The following EIF1AX variants were observed in gnomAD, a reference collection of about 807,000 sequenced individuals.
The protein encoded by EIF1AX is eukaryotic translation initiation factor 1A, X-chromosomal.
A neutral mutation model predicts 16.1 loss-of-function variants in EIF1AX; 1 was observed. The observed-to-expected ratio is 0.06, with a 90% CI of 0.02 to 0.30. EIF1AX has a LOEUF of 0.30. Ranked by LOEUF, EIF1AX falls within the 10% of genes least tolerant of loss-of-function variation. EIF1AX has a pLI of 1.00. For synonymous variants in EIF1AX, 32 were observed against 37.3 expected (o/e 0.86, Z 0.51); for missense variants, 11 against 109.1 (o/e 0.10, Z 4.00).
intron 5 of EIF1AX, among the ~76,000 whole-genome samples, chrX:20,131,959 T>C (rs1292280525): frequency 9.2e-6 from 1 of 108,777 alleles, no homozygotes; most frequent in African/African-American, 3.4e-5. Flanking sequence ...TAGCATTATG[T>C]GGAAGTCCAA....
At chrX:20,134,418 GAA>G (rs539054825) in intron 3 of EIF1AX, among the ~76,000 whole-genome samples, 1 of 98,898 alleles carries the variant, frequency 1.0e-5, no homozygotes, top group South Asian at 4.3e-4. Flanking sequence ...TTCTTTAAAA[GAA>G]AAAAAAAAAG....
At chrX:20,140,012 G>C (rs761474349) in intron 1 of EIF1AX, 2 of 112,571 alleles carry the variant, frequency 1.8e-5, no homozygotes, top group Admixed American at 1.9e-4. Flanking sequence ...CATGTAATGG[G>C]ATGTTCTTTA....
chrX:20,132,029 T>A (rs1603415018), intron 5 of EIF1AX, among the ~76,000 whole-genome samples, 153 bp downstream of exon 5: 1 of 107,990 alleles, frequency 9.3e-6, no homozygotes, highest in South Asian at 4.1e-4. Context: ...TTCTTTCTTA[T>A]AGTATCTAGT....
intron 3 of EIF1AX, among the ~76,000 whole-genome samples, chrX:20,135,130 A>C (rs1174203554): frequency 8.7e-5 from 8 of 92,210 alleles, no homozygotes; most frequent in Admixed American, 2.6e-4. Flanking sequence ...TGAAACTTTC[A>C]TGACAGTAAC....
At position 20,132,162 on chromosome X, in the gene EIF1AX, T is replaced by C. The variant is rs1166002293; in HGVS notation, c.337+20A>G. On this transcript the variant is annotated intron_variant, in intron 5 of 6. Coordinates refer to ENST00000379607, the MANE Select transcript of EIF1AX (RefSeq NM_001412.4). ...ACCTAAATACCATATGACAAGTTAA[T>C]ACAGTAACTCAGACATTACCATGCT... is the stretch of plus-strand genomic sequence containing the variant. 6 of 1,156,259 alleles carry C rather than the reference T, an allele frequency of 5.2e-6. No homozygotes were observed. The highest frequency in any genetic ancestry group is 5.9e-6 in the Non-Finnish European group (5 of 851,917).
chrX:20,135,136 G>C lies in EIF1AX; in HGVS notation c.204+602C>G, dbSNP rs1466826877. 3.2e-5 allele frequency among the ~76,000 whole-genome samples: 3 copies of C among 95,211 alleles called. No homozygotes were observed. The Admixed American group carries it at 3.7e-4, about 12-fold the overall frequency. The allele number at this position is 95,211 out of a possible 115,157, so 82.7% of individuals were successfully genotyped here. On this transcript the variant is annotated intron_variant, in intron 3 of 6. Transcript: ENST00000379607. ...TTTTTTTTTTGAAACTTTCATGACA[G>C]TAACATTGCATTAAGAGCTGGGCCA...
chrX:20,138,701 G>T, intron 1 of EIF1AX, 79 bp from the exon 2 acceptor site: 2 of 722,158 alleles, frequency 2.8e-6, no homozygotes, highest in Admixed American at 3.5e-5. Context: ...TGAAATTAAG[G>T]CTTATAAAAC....
chrX:20,130,503 T>C lies in EIF1AX; in HGVS notation c.429+13A>G, dbSNP rs1047891076. 1.7e-6 allele frequency: 2 copies of C among 1,182,816 alleles called. No homozygotes were observed. The highest frequency in any genetic ancestry group is 4.8e-5 in the Admixed American group (2 of 41,693). ...ATAACAAAAATTGGAAAACACAAGGTACATCTACTTACGTCATCAATATCT... is the reference window on the plus strand; with the variant it reads ...ATAACAAAAATTGGAAAACACAAGGCACATCTACTTACGTCATCAATATCT... On this transcript the variant is annotated intron_variant, in intron 6 of 6. Transcript: ENST00000379607.
In EIF1AX at chrX:20,132,274, G is replaced by A; in HGVS notation, c.256-11C>T. The A allele has an allele frequency of 9.1e-7, 1 of 1,097,386 alleles. No individual in the cohort carries two copies. The highest frequency in any genetic ancestry group is 3.0e-5 in the East Asian group (1 of 33,152). 90.4% of individuals were successfully genotyped at this position (1,097,386 alleles called of 1,213,427 possible). The stretch of plus-strand genomic sequence containing the variant: ...ATCAGCTTTGTTATCCTTAAATAGA[G>A]ACAAATAACTTTAAAAAACTGATCA... On this transcript the variant is annotated splice_polypyrimidine_tract_variant and intron_variant, in intron 4 of 6. Coordinates refer to ENST00000379607, the MANE Select transcript of EIF1AX (RefSeq NM_001412.4).
intron 2 of EIF1AX, among the ~76,000 whole-genome samples, chrX:20,137,959 G>A (rs935918186): frequency 1.9e-5 from 2 of 103,718 alleles, no homozygotes; most frequent in Non-Finnish European, 3.9e-5. Flanking sequence ...TTCGAGAATA[G>A]CCAGGGCAAC....
Position 20,125,909 on chromosome X carries a change from T to C in EIF1AX, c.*2397A>G, listed in dbSNP as rs180911669. The C allele has an allele frequency of 1.1e-3, 170 of 150,321 alleles. No individual in the cohort carries two copies. The highest frequency in any genetic ancestry group is 1.9e-3 in the Non-Finnish European group (148 of 77,365). 12.4% of individuals were successfully genotyped at this position (150,321 alleles called of 1,213,427 possible). The stretch of plus-strand genomic sequence containing the variant: ...CAGGCTTGGTAAGAAGCGGTCTCTT[T>C]AGGGGCCAGATGCTTAAGAAATATT... On this transcript the variant is annotated 3_prime_UTR_variant, in exon 7 of 7. Transcript: ENST00000379607.
At position 20,129,678 on chromosome X, in the gene EIF1AX, C is replaced by CTTGG. The variant is rs2066995182; in HGVS notation, c.429+837_429+838insCCAA. On this transcript the variant is annotated intron_variant, in intron 6 of 6. Coordinates refer to ENST00000379607, the MANE Select transcript of EIF1AX (RefSeq NM_001412.4). ...TCAAAATAAACATACCAACTGCAAA[C>CTTGG]CAAGAGTTTGCCAACAGTACACACC... Among the ~76,000 whole-genome samples the CTTGG allele has an allele frequency of 6.2e-5, 7 of 112,133 alleles. No homozygotes were observed. The South Asian group carries it at 2.5e-3, about 41-fold the overall frequency.
intron 2 of EIF1AX, chrX:20,136,049 T>G (rs2067015793): frequency 5.3e-6 from 2 of 374,003 alleles, no homozygotes; most frequent in Non-Finnish European, 9.6e-6. Context: ...GACATTTCTT[T>G]CTTTCTTTCT....
intron 1 of EIF1AX, among the ~76,000 whole-genome samples, chrX:20,138,874 A>C (rs1033578683): frequency 4.5e-5 from 5 of 112,102 alleles, no homozygotes; most frequent in African/African-American, 1.3e-4. Flanking sequence ...CATAAATAGC[A>C]GATATTATGT....
chrX:20,139,983 C>G (rs1156614431), intron 1 of EIF1AX: 1 of 112,533 alleles, frequency 8.9e-6, no homozygotes, highest in African/African-American at 3.2e-5. Context: ...CCGGATCACT[C>G]CCCTTTGTAT....
intron 1 of EIF1AX, among the ~76,000 whole-genome samples, chrX:20,140,744 T>C (rs1051871013): frequency 3.6e-5 from 4 of 112,206 alleles, no homozygotes; most frequent in Non-Finnish European, 7.5e-5. Context: ...GTATTTTCCC[T>C]ATATTTACTT....
chrX:20,132,671 A>AT (rs1389928973), intron 4 of EIF1AX, among the ~76,000 whole-genome samples: 1 of 112,180 alleles, frequency 8.9e-6, no homozygotes, highest in Non-Finnish European at 1.9e-5. Flanking sequence ...ACCTAAGGAA[A>AT]TTATACCTTT....
intron 1 of EIF1AX, 137 bp downstream of exon 1, chrX:20,141,488 T>G: frequency 2.2e-4 from 147 of 680,134 alleles, no homozygotes; most frequent in Middle Eastern, 3.5e-4. Flanking sequence ...CAGAGTCGCG[T>G]GTGGGGCGCC....
chrX:20,137,243 G>A (rs1339751843), intron 2 of EIF1AX, among the ~76,000 whole-genome samples: 1 of 110,782 alleles, frequency 9.0e-6, no homozygotes, highest in East Asian at 2.8e-4. Context: ...AGGAGATCGA[G>A]ACCCATCCTG....
Sources: gnomAD v4.1 joint callset for allele counts (sites outside exome capture counted in the v4.1 genomes callset) on GRCh38, gnomAD v4.1.1 for gene constraint, MANE v1.5 for transcripts, NCBI Gene and HGNC (gene_info 2026-07-23, HGNC 2026-07-21) for gene names.